The following PATL1 variants were observed in gnomAD, a reference collection of about 807,000 sequenced individuals.
PATL1 encodes the protein protein PAT1 homolog 1.
PATL1 carries 32 observed loss-of-function variants against 100.6 expected under a neutral mutation model. The ratio of observed to expected loss-of-function variants is 0.32; its 90% CI spans 0.24 to 0.43. PATL1 has a LOEUF of 0.43. Among genes scored for constraint, PATL1 ranks in the 20% least tolerant of loss-of-function variants. The pLI, the probability that PATL1 is intolerant of heterozygous loss-of-function variation, is 1.00. For synonymous variants in PATL1, 332 were observed against 330.0 expected (o/e 1.01, Z -0.07); for missense variants, 747 against 949.9 (o/e 0.79, Z 2.81).
intron 6 of PATL1, 140 bp downstream of exon 6, chr11:59,656,359 T>A: frequency 1.4e-6 from 1 of 731,182 alleles, no homozygotes; most frequent in Non-Finnish European, 2.2e-6. Flanking sequence ...GACAATTAGA[T>A]CCAGCAATTT....
rs1861220399 is a variant in PATL1, at chr11:59,638,134, G to T, written c.*256C>A. On this transcript the variant is annotated 3_prime_UTR_variant, in exon 19 of 19. Transcript: ENST00000300146. ...GGCAAAGAAAATGCAAAACAGAACT[G>T]AGTAAAAGTAGGACATGCAGAACTG... 7 of 539,142 alleles carry T rather than the reference G, an allele frequency of 1.3e-5. No individual in the cohort carries two copies. The Admixed American group carries it at 1.6e-4, about 12-fold the overall frequency. The allele number at this position is 539,142 out of a possible 1,614,324, so 33.4% of individuals were successfully genotyped here.
At position 59,640,325 on chromosome 11, in the gene PATL1, G is replaced by A. The variant is rs113223269; in HGVS notation, c.2050-942C>T. On this transcript the variant is annotated intron_variant, in intron 16 of 18. Transcript: ENST00000300146. ...CATTGCGCTCCAGCCTGGGCAACAC[G>A]AGTGAAACTCCATCTCCAAAAAAAA... Among the ~76,000 whole-genome samples, 844 of 145,416 alleles carry A rather than the reference G, an allele frequency of 5.8e-3. 3 individuals are homozygous for A. The highest frequency in any genetic ancestry group is 0.02 in the African/African-American group (789 of 38,892).
At chr11:59,649,184 C>T (rs569204784) in intron 14 of PATL1, among the ~76,000 whole-genome samples, 8 of 152,292 alleles carry the variant, frequency 5.3e-5, no homozygotes, top group African/African-American at 1.7e-4. Flanking sequence ...AACCCAATAA[C>T]GTTACCCACT....
chr11:59,659,495 G>C (rs1486789816), intron 2 of PATL1, 26 bp from the exon 3 acceptor site: 1 of 1,536,450 alleles, frequency 6.5e-7, no homozygotes, highest in East Asian at 2.4e-5. Flanking sequence ...GTTCATGTAA[G>C]AAATAGTTCA....
At chr11:59,646,355 T>TC (rs1861366098) in intron 15 of PATL1, among the ~76,000 whole-genome samples, 1 of 151,988 alleles carries the variant, frequency 6.6e-6, no homozygotes, top group Non-Finnish European at 1.5e-5. Context: ...TTCTTTTTTT[T>TC]CTCTATTTTT....
chr11:59,668,779 C>G (rs1422943366), intron 1 of PATL1, 102 bp downstream of exon 1: 1 of 623,258 alleles, frequency 1.6e-6, no homozygotes, highest in South Asian at 1.8e-5. Context: ...TCCCCCAGCC[C>G]GCCCCCTGCC....
In PATL1 at chr11:59,653,898, AC is replaced by A. The variant is rs1229078085; in HGVS notation, c.1121+84del. ...ATATGAAGTAAACTTACTAAAAAAA[AC>A]AAAACAACTAAATAGCATGTTGTTA... On this transcript the variant is annotated intron_variant, in intron 9 of 18. Transcript: ENST00000300146. 8 of 1,261,950 alleles carry A rather than the reference AC, an allele frequency of 6.3e-6. No individual in the cohort carries two copies. In the African/African-American group the frequency reaches 7.5e-5, roughly 12 times the overall value. The allele number at this position is 1,261,950 out of a possible 1,614,324, so 78.2% of individuals were successfully genotyped here.
intron 16 of PATL1, chr11:59,639,596 C>T (rs535345524): frequency 4.7e-5 from 23 of 486,658 alleles, no homozygotes; most frequent in African/African-American, 3.1e-4. Flanking sequence ...AGTGACCAGG[C>T]GCAGCCAACA....
intron 15 of PATL1, among the ~76,000 whole-genome samples, chr11:59,645,275 C>A (rs1270642480): frequency 3.6e-4 from 10 of 27,788 alleles, no homozygotes; most frequent in African/African-American, 1.1e-3. Context: ...CATCATGGCC[C>A]GTTCTCAATG....
rs955475215 is a variant in PATL1 at position 59,637,692 on chromosome 11, C to T, written c.*698G>A. 6.6e-6 allele frequency: 1 copy of T among 152,242 alleles called. No homozygotes were observed. Among genetic ancestry groups the T allele is most frequent in the African/African-American group, 2.4e-5 (1 of 41,440 alleles). 9.4% of individuals were successfully genotyped at this position (152,242 alleles called of 1,614,324 possible). A position where few individuals can be genotyped will look rare whatever the true frequency, so the allele number is the denominator to read the frequency against. On this transcript the variant is annotated 3_prime_UTR_variant, in exon 19 of 19. Coordinates refer to ENST00000300146, the MANE Select transcript of PATL1 (RefSeq NM_152716.3). ...AAGGACTTCTCAGCCTAGACCTGGGCATAAGCCAATTAAGAGTTCTGATTT... is the reference window on the plus strand; with the variant it reads ...AAGGACTTCTCAGCCTAGACCTGGGTATAAGCCAATTAAGAGTTCTGATTT...
intron 3 of PATL1, 77 bp downstream of exon 3, chr11:59,659,175 A>C (rs1861592303): frequency 7.8e-7 from 1 of 1,287,940 alleles, no homozygotes. Flanking sequence ...ATAATAGATA[A>C]AATAAAATGG....
In PATL1 at chr11:59,651,703, G is replaced by A. The variant is rs183281176; in HGVS notation, c.1427-62C>T. The A allele has an allele frequency of 5.6e-6, 6 of 1,066,926 alleles. No individual in the cohort carries two copies. The African/African-American group carries it at 9.6e-5, about 17-fold the overall frequency. 66.1% of individuals were successfully genotyped at this position (1,066,926 alleles called of 1,614,324 possible). On this transcript the variant is annotated intron_variant, in intron 11 of 18. Coordinates refer to ENST00000300146, the MANE Select transcript of PATL1 (RefSeq NM_152716.3). ...AAAAAGTCAGCAATGCAGGCAGGCA[G>A]TGTTCAAAGAAGATTTTTACTTTCC...
chr11:59,666,988 G>C, intron 1 of PATL1, 24 bp from the exon 2 acceptor site: 5 of 1,530,954 alleles, frequency 3.3e-6, no homozygotes, highest in Non-Finnish European at 4.4e-6. Context: ...AAAGACATTA[G>C]TTATTCATGA....
chr11:59,645,073 G>A (rs1861342146), intron 15 of PATL1, among the ~76,000 whole-genome samples: 1 of 138,316 alleles, frequency 7.2e-6, no homozygotes, highest in Non-Finnish European at 1.5e-5. Context: ...TACAGCACAT[G>A]TTTCAGAGAG....
chr11:59,667,495 T>C (rs1179862596), intron 1 of PATL1, among the ~76,000 whole-genome samples: 2 of 152,230 alleles, frequency 1.3e-5, no homozygotes, highest in Non-Finnish European at 2.9e-5. Context: ...AATTAGGTCT[T>C]CAACCACAAT....
At chr11:59,645,238 C>A (rs1422957181) in intron 15 of PATL1, among the ~76,000 whole-genome samples, 1 of 108,028 alleles carries the variant, frequency 9.3e-6, no homozygotes, top group African/African-American at 3.7e-5. Context: ...CCTTTCCCCC[C>A]TTTCTATTCC....
chr11:59,649,689 A>G lies in PATL1; in HGVS notation c.1585-79T>C, dbSNP rs374191412. 4.3e-6 allele frequency: 6 copies of G among 1,387,180 alleles called. No individual in the cohort carries two copies. In the East Asian group the frequency reaches 1.0e-4, roughly 23 times the overall value. The allele number at this position is 1,387,180 out of a possible 1,614,324, so 85.9% of individuals were successfully genotyped here. ...TAGTTAAACAATTTCACAGTTTAGG[A>G]CTACTAGCTAAAGACAAACTCATTA... On this transcript the variant is annotated intron_variant, in intron 13 of 18. Transcript: ENST00000300146.
At chr11:59,662,252 T>A (rs964068734) in intron 2 of PATL1, among the ~76,000 whole-genome samples, 4 of 152,206 alleles carry the variant, frequency 2.6e-5, no homozygotes, top group African/African-American at 9.7e-5. Context: ...GGATAAAGAC[T>A]GTGGGCAAAA....
chr11:59,645,024 CTT>C lies in PATL1; in HGVS notation c.1894-1991_1894-1990del, dbSNP rs59644562. 8.0e-3 allele frequency among the ~76,000 whole-genome samples: 1,039 copies of C among 130,144 alleles called. 13 individuals are homozygous for C. Among genetic ancestry groups the C allele is most frequent in the African/African-American group, 0.027 (961 of 35,780 alleles). 85.4% of individuals were successfully genotyped at this position (130,144 alleles called of 152,430 possible). A position where few individuals can be genotyped will look rare whatever the true frequency, so the allele number is the denominator to read the frequency against. ...CAACCACTGTAAAGTTCCCCATCCA[CTT>C]TTTTTTTTTTTTTTAATCCATTCAA... On this transcript the variant is annotated intron_variant, in intron 15 of 18. Coordinates refer to ENST00000300146, the MANE Select transcript of PATL1 (RefSeq NM_152716.3).
Sources: allele counts gnomAD v4.1 joint callset (sites outside exome capture counted in the v4.1 genomes callset), GRCh38; gene constraint gnomAD v4.1.1; transcripts MANE v1.5; gene names NCBI Gene and HGNC (gene_info 2026-07-23, HGNC 2026-07-21).